The following MAP4K3 variants were observed in gnomAD, a reference collection of about 807,000 sequenced individuals.
The protein encoded by MAP4K3 is MAPK/ERK kinase kinase kinase 3.
MAP4K3 carries 94 observed loss-of-function variants against 143.5 expected under a neutral mutation model. The ratio of observed to expected loss-of-function variants is 0.65; its 90% CI spans 0.55 to 0.78. The LOEUF is 0.78. Among genes scored for constraint, MAP4K3 ranks in the 30% least tolerant of loss-of-function variants. MAP4K3 has a pLI of 0.00. For synonymous variants in MAP4K3, 416 were observed against 347.2 expected, an observed-to-expected ratio of 1.20 and a Z score of -2.20; for missense variants, 1,077 against 1,068.1, an observed-to-expected ratio of 1.01 and a Z score of -0.12.
chr2:39,341,289 A>G (rs2148533069), intron 4 of MAP4K3, among the ~76,000 whole-genome samples: 2 of 152,266 alleles, frequency 1.3e-5, no homozygotes, highest in East Asian at 3.9e-4. Context: ...GAAAATACCT[A>G]TCTATACCCA....
At chr2:39,295,509 A>G (rs182979815) in intron 16 of MAP4K3, among the ~76,000 whole-genome samples, 135 of 152,158 alleles carry the variant, frequency 8.9e-4, no homozygotes, top group African/African-American at 3.1e-3. Context: ...GCTTTAAACT[A>G]TTTTACCAAA....
chr2:39,258,731 A>T (rs960340272), intron 29 of MAP4K3, 144 bp from the exon 30 acceptor site: 5 of 675,408 alleles, frequency 7.4e-6, no homozygotes, highest in Non-Finnish European at 1.3e-5. Context: ...GAGCCAGGCT[A>T]GTGGGTTTAA....
intron 1 of MAP4K3, among the ~76,000 whole-genome samples, chr2:39,424,324 G>A (rs538506848): frequency 5.9e-5 from 9 of 152,102 alleles, no homozygotes; most frequent in African/African-American, 1.7e-4. Context: ...CCACCAACAG[G>A]GGGGAGGGGA....
chr2:39,281,177 T>C (rs1420903334), intron 22 of MAP4K3, among the ~76,000 whole-genome samples: 1 of 152,202 alleles, frequency 6.6e-6, no homozygotes, highest in Non-Finnish European at 1.5e-5. Flanking sequence ...GTATTTGCCA[T>C]GTTGGCCTAA....
intron 3 of MAP4K3, among the ~76,000 whole-genome samples, chr2:39,348,079 T>G (rs1274492675): frequency 2.6e-5 from 4 of 152,090 alleles, no homozygotes; most frequent in Non-Finnish European, 5.9e-5. Context: ...TTCTAAAAAT[T>G]TAAGGTGTCT....
chr2:39,410,267 A>G (rs897824279), intron 1 of MAP4K3, among the ~76,000 whole-genome samples: 5 of 152,222 alleles, frequency 3.3e-5, no homozygotes, highest in African/African-American at 1.2e-4. Flanking sequence ...CCCTTTATAG[A>G]TTGGCAGGAC....
At chr2:39,343,336 G>A (rs1189500856) in intron 4 of MAP4K3, 52 bp downstream of exon 4, 7 of 1,211,092 alleles carry the variant, frequency 5.8e-6, no homozygotes, top group Admixed American at 1.8e-5. Context: ...GTAAATAGCT[G>A]TATTTTAAGA....
chr2:39,258,085 G>A (rs928813088), intron 31 of MAP4K3, among the ~76,000 whole-genome samples: 11 of 151,856 alleles, frequency 7.2e-5, no homozygotes, highest in African/African-American at 2.4e-4. Context: ...GCGTGTGCCA[G>A]CAAACCTGGA....
chr2:39,399,596 T>C (rs1263555656), intron 1 of MAP4K3, among the ~76,000 whole-genome samples: 1 of 152,186 alleles, frequency 6.6e-6, no homozygotes, highest in African/African-American at 2.4e-5. Flanking sequence ...TTCAAGTATT[T>C]TAGGAACTTA....
chr2:39,381,110 A>T (rs1466043669), intron 1 of MAP4K3, among the ~76,000 whole-genome samples: 6 of 152,198 alleles, frequency 3.9e-5, no homozygotes, highest in Admixed American at 3.9e-4. Context: ...ACTTGGTGTA[A>T]TGCTTTCAGA....
Position 39,288,273 on chromosome 2 carries a change from G to A in MAP4K3, c.1322C>T (p.Ser441Phe), listed in dbSNP as rs769159401. The change falls in exon 20 of 34, where the codon TCT becomes TTT. Residue 441 changes from serine (S) to phenylalanine (F), a missense_variant. By Grantham distance (155) the Ser-to-Phe change is radical. This residue lies in a region of MAP4K3 where 864 missense variants were observed against 801.2 expected (regional missense o/e 1.08). Transcript: ENST00000263881. ...IPPPLPPKPK[S>F]IFIPQEMHST... ...ATGCATTTCCTGTGGTATGAAGATA[G>A]ACTTAGGCTGAAATAATATAGAAAA... 1.2e-6 allele frequency: 2 copies of A among 1,613,290 alleles called. No individual in the cohort carries two copies. The highest frequency in any genetic ancestry group is 2.2e-5 in the South Asian group (2 of 90,994).
At chr2:39,354,876 AT>A (rs1665562428) in intron 3 of MAP4K3, among the ~76,000 whole-genome samples, 1 of 152,188 alleles carries the variant, frequency 6.6e-6, no homozygotes, top group Non-Finnish European at 1.5e-5. Flanking sequence ...TCATATGAAA[AT>A]GGGAACCTGC....
chr2:39,410,452 T>G (rs1667205413), intron 1 of MAP4K3, among the ~76,000 whole-genome samples: 1 of 152,204 alleles, frequency 6.6e-6, no homozygotes, highest in Admixed American at 6.5e-5. Flanking sequence ...AAGCTTTCTA[T>G]CTTTATAAAT....
chr2:39,358,136 C>T (rs1665662985), intron 2 of MAP4K3, among the ~76,000 whole-genome samples: 2 of 152,180 alleles, frequency 1.3e-5, no homozygotes, highest in Admixed American at 6.5e-5. Flanking sequence ...GACCAATAAA[C>T]TCTGTGTATT....
intron 31 of MAP4K3, among the ~76,000 whole-genome samples, chr2:39,257,857 C>G (rs938375294): frequency 6.6e-6 from 1 of 151,064 alleles, no homozygotes; most frequent in Non-Finnish European, 1.5e-5. Flanking sequence ...ATTATCTACA[C>G]TACAGTTATT....
chr2:39,263,333 C>T (rs555479623), intron 28 of MAP4K3, among the ~76,000 whole-genome samples: 5 of 140,608 alleles, frequency 3.6e-5, no homozygotes, highest in South Asian at 2.3e-4. Context: ...AGTGCAGTGG[C>T]GCAATCTCGG....
intron 3 of MAP4K3, among the ~76,000 whole-genome samples, chr2:39,344,989 T>A (rs1414120818): frequency 6.6e-6 from 1 of 152,160 alleles, no homozygotes; most frequent in African/African-American, 2.4e-5. Context: ...CTGTAGATAA[T>A]CTCTAGTCAG....
chr2:39,346,419 T>C (rs1283009073), intron 3 of MAP4K3, among the ~76,000 whole-genome samples: 1 of 152,194 alleles, frequency 6.6e-6, no homozygotes, highest in African/African-American at 2.4e-5. Context: ...TTAAATCTTA[T>C]ACTTAAAAAA....
intron 2 of MAP4K3, among the ~76,000 whole-genome samples, chr2:39,372,372 C>G (rs1666105698): frequency 6.6e-6 from 1 of 151,600 alleles, no homozygotes; most frequent in East Asian, 1.9e-4. Flanking sequence ...CCAAAAGAAT[C>G]TAAGGATTTA....
Sources: gnomAD v4.1 joint callset for allele counts (sites outside exome capture counted in the v4.1 genomes callset) on GRCh38, gnomAD v4.1.1 for gene constraint, gnomAD v4.1.1 regional missense constraint, MANE v1.5 for transcripts, NCBI Gene and HGNC (gene_info 2026-07-23, HGNC 2026-07-21) for gene names.